VPS8: variants seen among roughly 807,000 people sequenced by gnomAD.
The protein encoded by VPS8 is VPS8 subunit of CORVET complex, also known as vacuolar protein sorting-associated protein 8 homolog.
Under a neutral mutation model 216.4 loss-of-function variants are expected in VPS8, and 129 were observed. The observed-to-expected ratio is 0.60, with a 90% CI of 0.52 to 0.69. The LOEUF (loss-of-function observed/expected upper bound fraction) is 0.69. VPS8 is among the 30% of genes least tolerant of loss of function. VPS8 has a pLI of 0.00. For synonymous variants in VPS8, 571 were observed against 565.4 expected, an observed-to-expected ratio of 1.01 and a Z score of -0.14; for missense variants, 1,531 against 1,683.5, an observed-to-expected ratio of 0.91 and a Z score of 1.59.
chr3:184,877,756 C>G (rs1002671413), intron 21 of VPS8, among the ~76,000 whole-genome samples: 1 of 152,174 alleles, frequency 6.6e-6, no homozygotes, highest in Non-Finnish European at 1.5e-5. Context: ...TTGATAATCT[C>G]AGACCAATGT....
intron 40 of VPS8, among the ~76,000 whole-genome samples, chr3:184,977,884 C>CTTTTTTTTTTTTTTTTTTT (rs55727843): frequency 7.6e-6 from 1 of 131,286 alleles, no homozygotes; most frequent in African/African-American, 2.8e-5. Context: ...TTTCTTTTTT[C>CTTTTTTTTTTTTTTTTTTT]TTTTTTTTTT....
At chr3:185,002,315 C>T (rs1753524779) in intron 45 of VPS8, among the ~76,000 whole-genome samples, 1 of 152,118 alleles carries the variant, frequency 6.6e-6, no homozygotes. Flanking sequence ...TTTTGAAAGC[C>T]ATTTACACTA....
At chr3:184,995,081 A>G (rs566684220) in intron 43 of VPS8, among the ~76,000 whole-genome samples, 1 of 152,224 alleles carries the variant, frequency 6.6e-6, no homozygotes. Context: ...GTAATTCAAG[A>G]TGAGATTTGG....
chr3:184,872,839 C>G (rs1444647937), intron 21 of VPS8, among the ~76,000 whole-genome samples: 2 of 151,888 alleles, frequency 1.3e-5, no homozygotes, highest in Non-Finnish European at 2.9e-5. Flanking sequence ...AGAATGGGTT[C>G]ACAAGGAACA....
chr3:184,971,157 A>C (rs991147153), intron 39 of VPS8, among the ~76,000 whole-genome samples: 1 of 152,224 alleles, frequency 6.6e-6, no homozygotes, highest in African/African-American at 2.4e-5. Flanking sequence ...TTCAACCTGT[A>C]GATTTTGAAT....
intron 21 of VPS8, among the ~76,000 whole-genome samples, chr3:184,881,891 C>A (rs1163804150): frequency 1.3e-5 from 2 of 151,818 alleles, no homozygotes; most frequent in African/African-American, 4.8e-5. Flanking sequence ...TTTTGGTATT[C>A]ATATGTTCAG....
intron 45 of VPS8, among the ~76,000 whole-genome samples, chr3:185,020,954 C>G (rs1221461044): frequency 1.3e-5 from 2 of 152,188 alleles, no homozygotes; most frequent in Non-Finnish European, 2.9e-5. Context: ...CACCTGTAAT[C>G]CCAGCTATTT....
At chr3:184,978,205 T>G (rs897168693) in intron 40 of VPS8, among the ~76,000 whole-genome samples, 1 of 152,162 alleles carries the variant, frequency 6.6e-6, no homozygotes, top group African/African-American at 2.4e-5. Context: ...TCTTCTAGGT[T>G]TTCTAGTTTG....
At chr3:184,853,810 T>G in intron 11 of VPS8, 47 bp from the exon 12 acceptor site, 1 of 1,548,134 alleles carries the variant, frequency 6.5e-7, no homozygotes. Flanking sequence ...TAGTAGTGCC[T>G]TGGATCATTG....
At chr3:184,817,505 T>A (rs1377803623) in intron 1 of VPS8, 1 of 152,194 alleles carries the variant, frequency 6.6e-6, no homozygotes, top group Non-Finnish European at 1.5e-5. Context: ...AACAGCCTAG[T>A]TGAGCAGGGC....
chr3:184,982,365 C>T (rs897142482), intron 40 of VPS8: 3 of 543,798 alleles, frequency 5.5e-6, no homozygotes, highest in Non-Finnish European at 9.6e-6. Context: ...CCTGTTCTAG[C>T]TGTGGTTTCT....
chr3:184,944,882 G>A (rs1320830810), intron 36 of VPS8, among the ~76,000 whole-genome samples: 1 of 151,840 alleles, frequency 6.6e-6, no homozygotes, highest in Non-Finnish European at 1.5e-5. Flanking sequence ...ATTTTTGAAG[G>A]GACATTTTAA....
intron 26 of VPS8, 82 bp downstream of exon 26, chr3:184,913,643 T>C: frequency 8.7e-7 from 1 of 1,146,784 alleles, no homozygotes; most frequent in Non-Finnish European, 1.2e-6. Context: ...TGATCTCTTA[T>C]CTATATAGTA....
chr3:184,832,639 C>T (rs370748858), intron 3 of VPS8, 50 bp from the exon 4 acceptor site: 12 of 1,512,718 alleles, frequency 7.9e-6, no homozygotes, highest in Non-Finnish European at 1.1e-5. Flanking sequence ...TGACTCATTT[C>T]ATAGAGTATT....
rs11367805 is a variant in VPS8 at position 185,009,985 on chromosome 3, CAAAAAAAAAAA to C, written c.4002+10135_4002+10145del. Reference sequence around the variant, plus strand: ...CTGTGTGAGGAAACTACTTCAGGTCCAAAAAAAAAAAAAAAAAAAAAGGTGCCACCCAAAAG... The same window carrying C: ...CTGTGTGAGGAAACTACTTCAGGTCCAAAAAAAAAAGGTGCCACCCAAAAG... On this transcript the variant is annotated intron_variant, in intron 45 of 47. Transcript: ENST00000625842. 2.7e-3 allele frequency among the ~76,000 whole-genome samples: 247 copies of C among 91,402 alleles called. 3 individuals are homozygous for C. The highest frequency in any genetic ancestry group is 9.1e-3 in the African/African-American group (236 of 25,826). 60.0% of individuals were successfully genotyped at this position (91,402 alleles called of 152,430 possible).
intron 13 of VPS8, 27 bp from the exon 14 acceptor site, chr3:184,855,684 A>G (rs767323047): frequency 7.0e-7 from 1 of 1,426,590 alleles, no homozygotes; most frequent in Non-Finnish European, 9.7e-7. Context: ...AACTGTGATG[A>G]TTTTTTTTTT....
At chr3:184,899,463 G>A (rs913587505) in intron 24 of VPS8, among the ~76,000 whole-genome samples, 7 of 152,192 alleles carry the variant, frequency 4.6e-5, no homozygotes, top group Admixed American at 2.6e-4. Flanking sequence ...GGTAGGGCGA[G>A]TACCCCTCTA....
intron 36 of VPS8, among the ~76,000 whole-genome samples, chr3:184,946,884 C>T (rs1045128136): frequency 6.6e-6 from 1 of 151,776 alleles, no homozygotes; most frequent in African/African-American, 2.4e-5. Context: ...CTACTGAAAG[C>T]AAAACTCAGA....
chr3:185,004,414 A>G (rs967832869), intron 45 of VPS8, among the ~76,000 whole-genome samples: 3 of 152,200 alleles, frequency 2.0e-5, no homozygotes, highest in Non-Finnish European at 4.4e-5. Context: ...GGCTGCAGCG[A>G]GCCGAGATGG....
Sources: gnomAD v4.1 joint callset for allele counts (sites outside exome capture counted in the v4.1 genomes callset) on GRCh38, gnomAD v4.1.1 for gene constraint, MANE v1.5 for transcripts, NCBI Gene and HGNC (gene_info 2026-07-23, HGNC 2026-07-21) for gene names.